COMMD6: variants seen among roughly 807,000 people sequenced by gnomAD.
COMMD6 encodes COMM domain containing 6.
In COMMD6, 11 loss-of-function variants were observed where a neutral mutation model predicts 13.4. The ratio of observed to expected loss-of-function variants is 0.82; its 90% CI spans 0.52 to 1.36. COMMD6 has a LOEUF of 1.36. Ranked by LOEUF, COMMD6 falls within the 40% of genes most tolerant of loss-of-function variation. The probability of loss-of-function intolerance (pLI) is 0.00; values close to 1 mark genes in which losing one functional copy is unlikely to be tolerated. For synonymous variants in COMMD6, 43 were observed against 36.5 expected, an observed-to-expected ratio of 1.18 and a Z score of -0.64; for missense variants, 124 against 102.4, an observed-to-expected ratio of 1.21 and a Z score of -0.91.
upstream of COMMD6, among the ~76,000 whole-genome samples, chr13:75,542,596 T>A (rs1289173716): frequency 2.6e-5 from 4 of 152,218 alleles, no homozygotes; most frequent in East Asian, 7.7e-4. Flanking sequence ...GCCCTTTTTT[T>A]TCTTTTTAAC....
At chr13:75,545,194 A>G (rs1468341674) in intron 1 of COMMD6, among the ~76,000 whole-genome samples, 1 of 152,210 alleles carries the variant, frequency 6.6e-6, no homozygotes, top group Non-Finnish European at 1.5e-5. Context: ...TACTGCTATT[A>G]AGATAAGTAA....
upstream of COMMD6, among the ~76,000 whole-genome samples, chr13:75,538,394 C>T (rs2030757540): frequency 6.6e-6 from 1 of 152,226 alleles, no homozygotes. Context: ...CAAATCCATC[C>T]TACAGGAAGT....
chr13:75,542,174 G>A (rs1016321013), upstream of COMMD6, among the ~76,000 whole-genome samples: 1 of 152,178 alleles, frequency 6.6e-6, no homozygotes, highest in East Asian at 1.9e-4. Flanking sequence ...CTTTGTGCAA[G>A]GTTGTGGTAT....
At chr13:75,533,267 T>C (rs2030551727) in intron 2 of COMMD6, among the ~76,000 whole-genome samples, 1 of 151,742 alleles carries the variant, frequency 6.6e-6, no homozygotes, top group Non-Finnish European at 1.5e-5. Flanking sequence ...TATCAAAATA[T>C]TGATTAATGG....
intron 2 of COMMD6, among the ~76,000 whole-genome samples, chr13:75,531,216 T>A (rs886750522): frequency 6.6e-6 from 1 of 152,216 alleles, no homozygotes; most frequent in African/African-American, 2.4e-5. Context: ...ATATCCATCA[T>A]GAACAATGAT....
At chr13:75,541,577 A>G (rs1461843164), upstream of COMMD6, among the ~76,000 whole-genome samples, 1 of 151,878 alleles carries the variant, frequency 6.6e-6, no homozygotes, top group Non-Finnish European at 1.5e-5. Context: ...GTCTGGAGTG[A>G]TGTGTTACTA....
At chr13:75,533,560 C>A (rs1159609292) in intron 2 of COMMD6, among the ~76,000 whole-genome samples, 1 of 108,926 alleles carries the variant, frequency 9.2e-6, no homozygotes. Context: ...CAGAGCGAGA[C>A]CCCAAATCTG....
At chr13:75,530,341 G>T in intron 2 of COMMD6, 75 bp from the exon 3 acceptor site, 1 of 1,202,430 alleles carries the variant, frequency 8.3e-7, no homozygotes, top group Non-Finnish European at 1.2e-6. Flanking sequence ...CAATTTTACT[G>T]CAGTTACACT....
At chr13:75,537,938 A>G, upstream of COMMD6, 2 of 824,644 alleles carry the variant, frequency 2.4e-6, no homozygotes, top group Non-Finnish European at 3.8e-6. Flanking sequence ...AAGCATCTTT[A>G]TGTGACTCAT....
At chr13:75,544,535 G>C (rs2030872992) in intron 1 of COMMD6, among the ~76,000 whole-genome samples, 1 of 152,024 alleles carries the variant, frequency 6.6e-6, no homozygotes, top group South Asian at 2.1e-4. Flanking sequence ...GGCTGAGGTG[G>C]GTGCATCACT....
chr13:75,536,763 T>C (rs1410808797), intron 2 of COMMD6, among the ~76,000 whole-genome samples: 2 of 152,158 alleles, frequency 1.3e-5, no homozygotes, highest in African/African-American at 4.8e-5. Context: ...GATAATAAAT[T>C]TGTGTTTAAG....
At chr13:75,531,143 T>C (rs946156157) in intron 2 of COMMD6, among the ~76,000 whole-genome samples, 1 of 152,212 alleles carries the variant, frequency 6.6e-6, no homozygotes, top group Admixed American at 6.5e-5. Flanking sequence ...AAACTTCACT[T>C]GTTAATACAT....
chr13:75,547,663 G>C (rs1020357548), intron 1 of COMMD6, among the ~76,000 whole-genome samples: 1 of 152,158 alleles, frequency 6.6e-6, no homozygotes, highest in African/African-American at 2.4e-5. Context: ...AGGTTAAACT[G>C]TATAAACCAT....
chr13:75,539,492 G>A (rs947018936), upstream of COMMD6, among the ~76,000 whole-genome samples: 44 of 151,876 alleles, frequency 2.9e-4, no homozygotes, highest in African/African-American at 8.9e-4. Flanking sequence ...CACCCACCTC[G>A]GGCCTTGGCC....
intron 1 of COMMD6, 26 bp downstream of exon 1, chr13:75,537,738 C>A (rs769149355): frequency 6.2e-7 from 1 of 1,613,818 alleles, no homozygotes; most frequent in Non-Finnish European, 8.5e-7. Flanking sequence ...CCTCGCTGCC[C>A]ACTCTCCTTC....
At chr13:75,531,684 G>A (rs939690386) in intron 2 of COMMD6, among the ~76,000 whole-genome samples, 1 of 152,206 alleles carries the variant, frequency 6.6e-6, no homozygotes, top group Non-Finnish European at 1.5e-5. Flanking sequence ...CTACCAAAAT[G>A]GCAAAAATTT....
chr13:75,526,387 CTT>C lies in COMMD6; in HGVS notation c.*200_*201del. The C allele has an allele frequency of 2.0e-6, 1 of 491,092 alleles. No homozygotes were observed. Among genetic ancestry groups the C allele is most frequent in the Non-Finnish European group, 3.6e-6 (1 of 276,078 alleles). The allele number at this position is 491,092 out of a possible 1,614,324, so 30.4% of individuals were successfully genotyped here. ...TATCCTCTAAAGTGTCTAATTATCA[CTT>C]TTATAAAGCACATTCACAAAGTTTT... On this transcript the variant is annotated 3_prime_UTR_variant, in exon 4 of 4. Coordinates refer to ENST00000682242, the MANE Select transcript of COMMD6 (RefSeq NM_203495.4).
At chr13:75,539,969 C>CTT (rs34796430), upstream of COMMD6, among the ~76,000 whole-genome samples, 213 of 113,780 alleles carry the variant, frequency 1.9e-3, 3 homozygotes, top group African/African-American at 2.4e-3. Flanking sequence ...GCAAGGAAAT[C>CTT]TTTTTTTTTT....
chr13:75,538,333 G>A (rs2030755668), upstream of COMMD6, among the ~76,000 whole-genome samples: 1 of 152,230 alleles, frequency 6.6e-6, no homozygotes, highest in Non-Finnish European at 1.5e-5. Flanking sequence ...CCCTCAGTCT[G>A]GCTGCGGAAT....
Sources: allele counts gnomAD v4.1 joint callset (sites outside exome capture counted in the v4.1 genomes callset), GRCh38; gene constraint gnomAD v4.1.1; transcripts MANE v1.5; gene names NCBI Gene and HGNC (gene_info 2026-07-23, HGNC 2026-07-21).